The following TTC6 variants were observed in gnomAD, a reference collection of about 807,000 sequenced individuals.
TTC6 encodes tetratricopeptide repeat protein 6.
Under a neutral mutation model 210.4 loss-of-function variants are expected in TTC6, and 172 were observed. The observed-to-expected ratio is 0.82, with a 90% confidence interval of 0.72 to 0.93. TTC6 has a LOEUF of 0.93. Among genes scored for constraint, TTC6 ranks in the 40% least tolerant of loss-of-function variants. The probability of loss-of-function intolerance (pLI) is 0.00; values close to 1 mark genes in which losing one functional copy is unlikely to be tolerated. For synonymous variants in TTC6, 804 were observed against 819.6 expected (o/e 0.98, Z 0.32); for missense variants, 2,414 against 2,318.1 (o/e 1.04, Z -0.85).
chr14:37,842,667 A>G (rs2096212657), downstream of TTC6: 1 of 131,178 alleles, frequency 7.6e-6, no homozygotes, highest in African/African-American at 2.8e-5. Context: ...CTGACAATGT[A>G]TTAAACAGTA....
intron 6 of TTC6, among the ~76,000 whole-genome samples, chr14:37,719,242 T>C (rs2095857520): frequency 6.6e-6 from 1 of 152,050 alleles, no homozygotes; most frequent in Non-Finnish European, 1.5e-5. Context: ...TGTTTATAGA[T>C]TGGAAGAATC....
intron 5 of TTC6, among the ~76,000 whole-genome samples, chr14:37,714,427 A>T (rs1203051074): frequency 6.6e-6 from 1 of 152,088 alleles, no homozygotes; most frequent in Non-Finnish European, 1.5e-5. Flanking sequence ...TTCCAGTATA[A>T]TGAAACAAAA....
At chr14:37,633,772 A>G (rs1264659518) in intron 1 of TTC6, among the ~76,000 whole-genome samples, 1 of 152,136 alleles carries the variant, frequency 6.6e-6, no homozygotes, top group Non-Finnish European at 1.5e-5. Flanking sequence ...CCATGTGGAG[A>G]ACAGTAATGA....
Position 37,799,338 on chromosome 14 carries a change from TCTCTTTA to T in TTC6, c.4029+2396_4029+2402del, listed in dbSNP as rs140692019. Among the ~76,000 whole-genome samples the T allele has an allele frequency of 2.3e-3, 347 of 152,314 alleles. 2 individuals are homozygous for T. Among genetic ancestry groups the T allele is most frequent in the African/African-American group, 7.8e-3 (326 of 41,578 alleles). On this transcript the variant is annotated intron_variant, in intron 20 of 30. Transcript: ENST00000553443. The stretch of plus-strand genomic sequence containing the variant: ...TGACCTCACCAATTATTGGCTTTTT[TCTCTTTA>T]CTCTGGCACAACCAAATCTTGGAAA...
chr14:37,701,355 C>A (rs926815684), exon 5 of TTC6: 4 of 1,457,066 alleles, frequency 2.7e-6, no homozygotes, highest in Non-Finnish European at 3.6e-6. Context: ...TACTCCATGC[C>A]GCACCTTCAT....
At chr14:37,679,068 A>G (rs945435866) in intron 1 of TTC6, among the ~76,000 whole-genome samples, 1 of 152,064 alleles carries the variant, frequency 6.6e-6, no homozygotes, top group Non-Finnish European at 1.5e-5. Context: ...AAAAAACAAA[A>G]ACATTAGTTG....
chr14:37,841,307 T>G, intron 29 of TTC6, 138 bp from the exon 32 acceptor site: 2 of 726,926 alleles, frequency 2.8e-6, no homozygotes, highest in Non-Finnish European at 2.2e-6. Flanking sequence ...ACAATGCACC[T>G]CTGTACCTGG....
intron 7 of TTC6, among the ~76,000 whole-genome samples, chr14:37,732,921 T>C (rs1388319924): frequency 2.6e-5 from 4 of 152,156 alleles, no homozygotes; most frequent in African/African-American, 7.2e-5. Flanking sequence ...CTTTAGTCTT[T>C]ATACTGATTA....
intron 1 of TTC6, among the ~76,000 whole-genome samples, chr14:37,625,434 G>C (rs2095658601): frequency 6.6e-6 from 1 of 151,866 alleles, no homozygotes; most frequent in Non-Finnish European, 1.5e-5. Flanking sequence ...TGTAATCACA[G>C]CTACTTGGGA....
At chr14:37,830,424 G>C (rs2096181974) in intron 29 of TTC6, among the ~76,000 whole-genome samples, 1 of 151,492 alleles carries the variant, frequency 6.6e-6, no homozygotes, top group Admixed American at 6.6e-5. Context: ...CTGTTTCATT[G>C]TTCTGATTTT....
chr14:37,631,401 G>T (rs1015061281), intron 1 of TTC6, among the ~76,000 whole-genome samples: 3 of 152,128 alleles, frequency 2.0e-5, no homozygotes, highest in African/African-American at 7.2e-5. Context: ...GAAATTCTGG[G>T]TTGAAAATTC....
intron 14 of TTC6, among the ~76,000 whole-genome samples, chr14:37,763,932 C>T (rs936654331): frequency 2.0e-5 from 3 of 151,634 alleles, no homozygotes; most frequent in South Asian, 4.2e-4. Context: ...TTAATGTATG[C>T]ATTTATAGCT....
At chr14:37,793,353 C>A (rs946610005) in intron 17 of TTC6, among the ~76,000 whole-genome samples, 3 of 152,092 alleles carry the variant, frequency 2.0e-5, no homozygotes, top group Admixed American at 2.0e-4. Flanking sequence ...GGTAAAAAAA[C>A]AAAAAAACAA....
chr14:37,631,785 G>A (rs535623171), intron 1 of TTC6, among the ~76,000 whole-genome samples: 48 of 152,110 alleles, frequency 3.2e-4, no homozygotes, highest in South Asian at 4.2e-4. Flanking sequence ...ACATAGTCCC[G>A]TATTTCTTGG....
exon 10 of TTC6, chr14:37,738,996 G>A (rs2095909971): frequency 6.5e-7 from 1 of 1,535,568 alleles, no homozygotes; most frequent in East Asian, 2.4e-5. Context: ...CACAGTTTGA[G>A]AAATCTCTCT....
At chr14:37,726,985 CT>C (rs2095874255) in intron 7 of TTC6, among the ~76,000 whole-genome samples, 1 of 151,290 alleles carries the variant, frequency 6.6e-6, no homozygotes, top group Non-Finnish European at 1.5e-5. Context: ...GTAGTTTTTT[CT>C]TTTTTCATTT....
intron 1 of TTC6, among the ~76,000 whole-genome samples, chr14:37,679,669 A>G (rs2095778677): frequency 6.6e-6 from 1 of 151,888 alleles, no homozygotes; most frequent in Admixed American, 6.6e-5. Context: ...GAAATTGAAA[A>G]CATAGGCAAA....
intron 14 of TTC6, among the ~76,000 whole-genome samples, chr14:37,768,847 G>C (rs970142064): frequency 1.3e-5 from 2 of 151,708 alleles, no homozygotes; most frequent in Non-Finnish European, 2.9e-5. Flanking sequence ...TGTTGAATAG[G>C]AGTGGTGAGA....
At chr14:37,732,661 C>T (rs932704935) in intron 7 of TTC6, among the ~76,000 whole-genome samples, 2 of 151,652 alleles carry the variant, frequency 1.3e-5, no homozygotes, top group Non-Finnish European at 2.9e-5. Flanking sequence ...CTCTGTCGCC[C>T]AGGCTAGAGT....
Sources: gnomAD v4.1 joint callset for allele counts (sites outside exome capture counted in the v4.1 genomes callset) on GRCh38, gnomAD v4.1.1 for gene constraint, MANE v1.5 for transcripts, NCBI Gene and HGNC (gene_info 2026-07-23, HGNC 2026-07-21) for gene names.